ZIM2: variants seen among roughly 807,000 people sequenced by gnomAD.
The protein encoded by ZIM2 is zinc finger protein 656.
A neutral mutation model predicts 38.6 loss-of-function variants in ZIM2; 14 were observed. The observed-to-expected ratio is 0.36, with a 90% CI of 0.24 to 0.57. The LOEUF (loss-of-function observed/expected upper bound fraction) is 0.57. ZIM2 is among the 20% of genes least tolerant of loss of function. The pLI, the probability that ZIM2 is intolerant of heterozygous loss-of-function variation, is 0.81. For synonymous variants in ZIM2, 247 were observed against 245.8 expected (o/e 1.00, Z -0.04); for missense variants, 680 against 695.1 (o/e 0.98, Z 0.24).
intron 9 of ZIM2, among the ~76,000 whole-genome samples, chr19:56,795,713 C>T (rs1029527219): frequency 3.9e-5 from 6 of 151,956 alleles, no homozygotes; most frequent in Admixed American, 6.5e-5. Flanking sequence ...TGGTGGTGGG[C>T]GCCTGTAACC....
At chr19:56,802,501 G>A (rs956410828) in intron 9 of ZIM2, among the ~76,000 whole-genome samples, 7 of 152,110 alleles carry the variant, frequency 4.6e-5, no homozygotes, top group African/African-American at 1.2e-4. Flanking sequence ...GAAATCAAAT[G>A]GAAAATACCA....
chr19:56,820,180 G>C (rs1033588188), intron 7 of ZIM2, among the ~76,000 whole-genome samples: 2 of 152,182 alleles, frequency 1.3e-5, no homozygotes, highest in African/African-American at 4.8e-5. Flanking sequence ...ATGCTGTTCT[G>C]AAAACAATGC....
intron 2 of ZIM2, among the ~76,000 whole-genome samples, chr19:56,831,671 C>T (rs2061579886): frequency 6.6e-6 from 1 of 152,250 alleles, no homozygotes; most frequent in East Asian, 1.9e-4. Flanking sequence ...CAAAATGTTA[C>T]ATAACCATTA....
rs769636617 is a variant in ZIM2, at chr19:56,836,065, C to T, written c.-274G>A. On this transcript the variant is annotated 5_prime_UTR_variant, in exon 2 of 13. Transcript: ENST00000629319. The stretch of plus-strand genomic sequence containing the variant: ...TGGACCTAGTCCCTCTTCCTCTCGC[C>T]AGTCGTCTCCAAGAAGGACGGAAGA... The T allele has an allele frequency of 2.0e-6, 1 of 505,456 alleles. No individual in the cohort carries two copies. The allele number at this position is 505,456 out of a possible 1,614,324, so 31.3% of individuals were successfully genotyped here.
chr19:56,785,787 G>C (rs2046567331), intron 10 of ZIM2, among the ~76,000 whole-genome samples: 1 of 152,180 alleles, frequency 6.6e-6, no homozygotes, highest in Admixed American at 6.5e-5. Flanking sequence ...AATCACCTGG[G>C]GATCTTGTTA....
intron 7 of ZIM2, among the ~76,000 whole-genome samples, chr19:56,820,533 G>A (rs1464912846): frequency 6.6e-6 from 1 of 152,188 alleles, no homozygotes; most frequent in African/African-American, 2.4e-5. Flanking sequence ...CCTGGCCCTT[G>A]GTTTGGTTCC....
chr19:56,829,486 G>A (rs1011958886), intron 2 of ZIM2, among the ~76,000 whole-genome samples: 24 of 152,284 alleles, frequency 1.6e-4, no homozygotes, highest in African/African-American at 5.1e-4. Context: ...GGGAAGGGAC[G>A]AGCACCACTG....
intron 9 of ZIM2, chr19:56,815,036 C>T: frequency 6.2e-7 from 1 of 1,614,178 alleles, no homozygotes; most frequent in African/African-American, 1.3e-5. Flanking sequence ...TCCCGACTGT[C>T]AACCAGGCAC....
chr19:56,828,708 C>A (rs1271875963), intron 2 of ZIM2, among the ~76,000 whole-genome samples: 1 of 152,074 alleles, frequency 6.6e-6, no homozygotes, highest in African/African-American at 2.4e-5. Context: ...AGGCTTTTGG[C>A]ATTAGGAAAA....
rs560114002 is a variant in ZIM2, at chr19:56,815,740, C to A, written c.490+2006G>T. ...AGGAACACTTTTCTGAGGTTTGGCACGGAATACACTCTGTATGACAGAGTC... is the reference window on the plus strand; with the variant it reads ...AGGAACACTTTTCTGAGGTTTGGCAAGGAATACACTCTGTATGACAGAGTC... On this transcript the variant is annotated intron_variant, in intron 9 of 12. Coordinates refer to ENST00000629319, the MANE Select transcript of ZIM2 (RefSeq NM_001387356.1). The A allele has an allele frequency of 2.5e-6, 4 of 1,614,020 alleles. No homozygotes were observed. In the Admixed American group the frequency reaches 5.0e-5, roughly 20 times the overall value.
chr19:56,840,303 C>T (rs980245355), intron 1 of ZIM2, among the ~76,000 whole-genome samples: 2 of 152,214 alleles, frequency 1.3e-5, no homozygotes, highest in African/African-American at 2.4e-5. Flanking sequence ...CCTCAGACCC[C>T]GGACTGCAAG....
In ZIM2 at chr19:56,799,098, A is replaced by C. The variant is rs1429709450; in HGVS notation, c.491-9147T>G. The stretch of plus-strand genomic sequence containing the variant: ...GGGAAGAAATATCATTTGACCCAGC[A>C]ATCTCATTACTGGGTATATACCCAG... On this transcript the variant is annotated intron_variant, in intron 9 of 12. Transcript: ENST00000629319. 3 of 152,322 alleles carry C rather than the reference A, an allele frequency of 2.0e-5. No individual in the cohort carries two copies. The East Asian group carries it at 5.8e-4, about 29-fold the overall frequency. The allele number at this position is 152,322 out of a possible 1,614,324, so 9.4% of individuals were successfully genotyped here. A position where few individuals can be genotyped will look rare whatever the true frequency, so the allele number is the denominator to read the frequency against.
At chr19:56,839,671 A>G (rs1356917526) in intron 1 of ZIM2, among the ~76,000 whole-genome samples, 4 of 152,136 alleles carry the variant, frequency 2.6e-5, no homozygotes, top group Non-Finnish European at 5.9e-5. Flanking sequence ...CTCATAAAAG[A>G]TGGCACCCAA....
intron 9 of ZIM2, among the ~76,000 whole-genome samples, chr19:56,796,246 T>C (rs1320715503): frequency 1.3e-5 from 2 of 152,246 alleles, no homozygotes; most frequent in Non-Finnish European, 1.5e-5. Flanking sequence ...TCTATGCACA[T>C]GCTTAGGCAT....
chr19:56,782,482 A>G (rs955447079), intron 10 of ZIM2: 7 of 456,798 alleles, frequency 1.5e-5, no homozygotes. Flanking sequence ...CTGTAAAACA[A>G]AGTGCTCATA....
At chr19:56,832,044 C>T (rs1446376870) in intron 2 of ZIM2, among the ~76,000 whole-genome samples, 3 of 152,286 alleles carry the variant, frequency 2.0e-5, no homozygotes, top group East Asian at 3.9e-4. Flanking sequence ...AGAAAACTCA[C>T]ATAAACTTGT....
At chr19:56,804,491 A>G (rs537029857) in intron 9 of ZIM2, among the ~76,000 whole-genome samples, 1 of 152,356 alleles carries the variant, frequency 6.6e-6, no homozygotes, top group African/African-American at 2.4e-5. Context: ...GAGTAGGTGT[A>G]GCGATTTCTG....
intron 6 of ZIM2, 80 bp downstream of exon 6, chr19:56,822,673 G>A (rs2060615343): frequency 6.4e-7 from 1 of 1,555,926 alleles, no homozygotes; most frequent in Non-Finnish European, 8.7e-7. Flanking sequence ...AAACTTCGAG[G>A]CCCTGGCACT....
chr19:56,794,309 T>G (rs1167157906), intron 9 of ZIM2, among the ~76,000 whole-genome samples: 1 of 152,218 alleles, frequency 6.6e-6, no homozygotes, highest in Non-Finnish European at 1.5e-5. Flanking sequence ...CTTCATTTCT[T>G]CTGTAATCAC....
Sources: gnomAD v4.1 joint callset for allele counts (sites outside exome capture counted in the v4.1 genomes callset) on GRCh38, gnomAD v4.1.1 for gene constraint, MANE v1.5 for transcripts, NCBI Gene and HGNC (gene_info 2026-07-23, HGNC 2026-07-21) for gene names.